The following TAF4B variants were observed in gnomAD, a reference collection of about 807,000 sequenced individuals.
TAF4B encodes the protein transcription initiation factor TFIID subunit 4B.
A neutral mutation model predicts 86.4 loss-of-function variants in TAF4B; 38 were observed. That is an observed-to-expected ratio of 0.44 (90% CI 0.34 to 0.58). TAF4B has a LOEUF of 0.58. Ranked by LOEUF, TAF4B falls within the 20% of genes least tolerant of loss-of-function variation. TAF4B has a pLI of 0.02. For missense variants in TAF4B, 988 were observed against 1,027.6 expected, an observed-to-expected ratio of 0.96 and a Z score of 0.53; for synonymous variants, 388 against 391.2, an observed-to-expected ratio of 0.99 and a Z score of 0.10.
chr18:26,230,162 C>G (rs1374363967), intron 1 of TAF4B, among the ~76,000 whole-genome samples: 1 of 152,106 alleles, frequency 6.6e-6, no homozygotes, highest in African/African-American at 2.4e-5. Context: ...TCTTGATATT[C>G]TTCATCTTGT....
At chr18:26,284,025 C>A (rs1003879249) in intron 6 of TAF4B, among the ~76,000 whole-genome samples, 3 of 151,836 alleles carry the variant, frequency 2.0e-5, no homozygotes, top group Admixed American at 6.6e-5. Flanking sequence ...TGCACTGTAG[C>A]CTGGGTGACA....
intron 1 of TAF4B, among the ~76,000 whole-genome samples, chr18:26,235,796 G>A (rs1442442131): frequency 1.3e-5 from 2 of 152,204 alleles, no homozygotes; most frequent in Non-Finnish European, 2.9e-5. Context: ...AGAGAGCAGG[G>A]TATAGGGGTT....
intron 9 of TAF4B, among the ~76,000 whole-genome samples, chr18:26,303,381 C>A (rs1271318281): frequency 7.1e-5 from 6 of 84,600 alleles, no homozygotes; most frequent in South Asian, 4.7e-4. Flanking sequence ...CCACTTTCAT[C>A]CTCCCTCCAC....
At chr18:26,240,245 C>A (rs1320512159) in intron 1 of TAF4B, among the ~76,000 whole-genome samples, 1 of 151,644 alleles carries the variant, frequency 6.6e-6, no homozygotes, top group Non-Finnish European at 1.5e-5. Flanking sequence ...CCATTTGTGT[C>A]CTCTTTTATT....
At chr18:26,230,531 C>G (rs1422240615) in intron 1 of TAF4B, among the ~76,000 whole-genome samples, 1 of 152,162 alleles carries the variant, frequency 6.6e-6, no homozygotes, top group African/African-American at 2.4e-5. Flanking sequence ...GATTTTCAGA[C>G]TGTAGAGTTG....
chr18:26,282,511 TA>T (rs1195607538), intron 6 of TAF4B, among the ~76,000 whole-genome samples: 1 of 152,234 alleles, frequency 6.6e-6, no homozygotes, highest in African/African-American at 2.4e-5. Context: ...ATTTTATTGC[TA>T]AAAAGTGCTG....
intron 1 of TAF4B, among the ~76,000 whole-genome samples, chr18:26,232,105 T>A (rs1212076425): frequency 1.3e-5 from 2 of 152,172 alleles, no homozygotes; most frequent in African/African-American, 4.8e-5. Flanking sequence ...GAGCACTGAT[T>A]GGTGTGTTTT....
intron 14 of TAF4B, among the ~76,000 whole-genome samples, chr18:26,385,087 C>T (rs551977266): frequency 4.3e-4 from 65 of 152,218 alleles, no homozygotes; most frequent in Non-Finnish European, 6.3e-4. Context: ...ACAGGATTCC[C>T]GAAGCCACTG....
intron 1 of TAF4B, among the ~76,000 whole-genome samples, chr18:26,251,054 C>G (rs1754342704): frequency 6.6e-6 from 1 of 152,178 alleles, no homozygotes; most frequent in Non-Finnish European, 1.5e-5. Context: ...AATTTGGCCT[C>G]TAGTGCCTGA....
At chr18:26,253,781 A>T (rs1198925930) in intron 1 of TAF4B, among the ~76,000 whole-genome samples, 1 of 151,974 alleles carries the variant, frequency 6.6e-6, no homozygotes, top group Non-Finnish European at 1.5e-5. Context: ...TTCTTTCTTG[A>T]GTCAATTTCA....
At chr18:26,282,118 A>T (rs2056457522) in intron 6 of TAF4B, 58 bp downstream of exon 6, 2 of 1,348,060 alleles carry the variant, frequency 1.5e-6, no homozygotes, top group East Asian at 4.6e-5. Context: ...TAAAATAATT[A>T]AAAATGGGAA....
chr18:26,332,877 C>T (rs1317201014), intron 12 of TAF4B, among the ~76,000 whole-genome samples: 2 of 152,098 alleles, frequency 1.3e-5, no homozygotes, highest in African/African-American at 4.8e-5. Context: ...AATTCCTTAT[C>T]ATGGCCTACA....
chr18:26,329,418 A>T (rs2057033978), intron 12 of TAF4B, among the ~76,000 whole-genome samples: 1 of 152,188 alleles, frequency 6.6e-6, no homozygotes, highest in Admixed American at 6.5e-5. Flanking sequence ...CCACTCCTGA[A>T]CATTTTCATA....
chr18:26,334,867 G>A (rs1238909003), intron 12 of TAF4B, among the ~76,000 whole-genome samples: 3 of 151,862 alleles, frequency 2.0e-5, no homozygotes, highest in East Asian at 3.9e-4. Context: ...TCCTTCATCT[G>A]TACCACCAAT....
intron 14 of TAF4B, among the ~76,000 whole-genome samples, chr18:26,387,573 A>C (rs376832460): frequency 3.3e-5 from 5 of 152,180 alleles, no homozygotes; most frequent in African/African-American, 1.2e-4. Context: ...GTGGCATGCT[A>C]GTGCTTCACT....
chr18:26,367,068 G>A (rs2057376809), intron 14 of TAF4B, among the ~76,000 whole-genome samples: 2 of 152,128 alleles, frequency 1.3e-5, no homozygotes, highest in Non-Finnish European at 2.9e-5. Context: ...TACTCTAATA[G>A]GATCATCCTA....
intron 1 of TAF4B, among the ~76,000 whole-genome samples, chr18:26,235,714 G>A (rs1568092932): frequency 6.6e-6 from 1 of 152,224 alleles, no homozygotes; most frequent in Non-Finnish European, 1.5e-5. Flanking sequence ...GAGAGTCAGA[G>A]TGCAGGGGAG....
intron 13 of TAF4B, among the ~76,000 whole-genome samples, chr18:26,350,653 G>A (rs963088771): frequency 1.3e-5 from 2 of 152,146 alleles, no homozygotes; most frequent in Non-Finnish European, 2.9e-5. Context: ...ACTATCATGG[G>A]TAATAGAGTG....
At chr18:26,338,107 C>T (rs2057107115) in intron 13 of TAF4B, among the ~76,000 whole-genome samples, 1 of 152,066 alleles carries the variant, frequency 6.6e-6, no homozygotes, top group African/African-American at 2.4e-5. Flanking sequence ...CAATCTGAAT[C>T]CCCTTCATTC....
Sources: allele counts gnomAD v4.1 joint callset (sites outside exome capture counted in the v4.1 genomes callset), GRCh38; gene constraint gnomAD v4.1.1; transcripts MANE v1.5; gene names NCBI Gene and HGNC (gene_info 2026-07-23, HGNC 2026-07-21).